The following GLRA3 variants were observed in gnomAD, a reference collection of about 807,000 sequenced individuals.
GLRA3 encodes the protein glycine receptor subunit alpha-3.
GLRA3 carries 44 observed loss-of-function variants against 60.4 expected under a neutral mutation model. The ratio of observed to expected loss-of-function variants is 0.73; its 90% CI spans 0.57 to 0.94. GLRA3 has a LOEUF of 0.94. Ranked by LOEUF, GLRA3 falls within the 40% of genes least tolerant of loss-of-function variation. The probability of loss-of-function intolerance (pLI) is 0.00; values close to 1 mark genes in which losing one functional copy is unlikely to be tolerated. For missense variants in GLRA3, 508 were observed against 564.6 expected (o/e 0.90, Z 1.02); for synonymous variants, 223 against 192.9 (o/e 1.16, Z -1.29).
intron 5 of GLRA3, among the ~76,000 whole-genome samples, chr4:174,689,892 C>T (rs1250578219): frequency 7.2e-6 from 1 of 138,776 alleles, no homozygotes; most frequent in Non-Finnish European, 1.6e-5. Flanking sequence ...AAATGAAAAA[C>T]AGAAAAATTC....
chr4:174,683,108 G>C (rs548572918), intron 5 of GLRA3, among the ~76,000 whole-genome samples, 169 bp from the exon 6 acceptor site: 43 of 152,228 alleles, frequency 2.8e-4, no homozygotes, highest in Non-Finnish European at 4.3e-4. Context: ...AATGTCTGTT[G>C]AAGTCTATTC....
intron 1 of GLRA3, among the ~76,000 whole-genome samples, chr4:174,798,875 A>T (rs547735426): frequency 2.0e-5 from 3 of 151,982 alleles, no homozygotes; most frequent in Non-Finnish European, 4.4e-5. Flanking sequence ...GAGCCGAGAT[A>T]GCACCACTGC....
intron 5 of GLRA3, among the ~76,000 whole-genome samples, chr4:174,714,792 T>C (rs1735844757): frequency 1.3e-5 from 2 of 152,196 alleles, no homozygotes; most frequent in South Asian, 4.1e-4. Flanking sequence ...TTAGGACTAA[T>C]TATATAGATC....
At chr4:174,665,923 T>C (rs1299876143) in intron 7 of GLRA3, among the ~76,000 whole-genome samples, 1 of 152,122 alleles carries the variant, frequency 6.6e-6, no homozygotes, top group Non-Finnish European at 1.5e-5. Context: ...GTAGTGTTCA[T>C]ATGGTAACAC....
intron 3 of GLRA3, among the ~76,000 whole-genome samples, chr4:174,753,151 G>A (rs564231158): frequency 4.6e-5 from 7 of 152,194 alleles, no homozygotes; most frequent in South Asian, 2.1e-4. Flanking sequence ...TAACTCTTGC[G>A]TGCATCTGTT....
At chr4:174,737,019 A>G (rs1736819437) in intron 3 of GLRA3, among the ~76,000 whole-genome samples, 2 of 152,342 alleles carry the variant, frequency 1.3e-5, no homozygotes, top group African/African-American at 4.8e-5. Context: ...CATCTTGCAT[A>G]CAAGTACTTT....
At chr4:174,719,255 G>A (rs1736051090) in intron 4 of GLRA3, among the ~76,000 whole-genome samples, 1 of 152,162 alleles carries the variant, frequency 6.6e-6, no homozygotes, top group African/African-American at 2.4e-5. Context: ...GAGCCACCGC[G>A]CCCGGCCTCG....
At chr4:174,689,994 C>T (rs2111004425) in intron 5 of GLRA3, among the ~76,000 whole-genome samples, 1 of 151,940 alleles carries the variant, frequency 6.6e-6, no homozygotes, top group East Asian at 1.9e-4. Context: ...GGAATATATG[C>T]ACAACGGAAT....
chr4:174,825,682 C>G (rs1372832167), intron 1 of GLRA3, among the ~76,000 whole-genome samples: 1 of 151,792 alleles, frequency 6.6e-6, no homozygotes, highest in Non-Finnish European at 1.5e-5. Context: ...AATCCAAAAG[C>G]CATAGAAAAA....
intron 8 of GLRA3, among the ~76,000 whole-genome samples, chr4:174,658,159 T>C (rs542476461): frequency 2.3e-4 from 35 of 152,206 alleles, no homozygotes; most frequent in Non-Finnish European, 4.4e-4. Context: ...TTAAGGTTTA[T>C]CTTTTGACAA....
chr4:174,790,356 T>C (rs1403571056), intron 1 of GLRA3, among the ~76,000 whole-genome samples: 3 of 151,820 alleles, frequency 2.0e-5, no homozygotes, highest in African/African-American at 4.8e-5. Context: ...TTTATTCTAA[T>C]ACAAAAATCA....
intron 3 of GLRA3, among the ~76,000 whole-genome samples, chr4:174,748,467 CT>C (rs1408640856): frequency 6.6e-6 from 1 of 152,054 alleles, no homozygotes; most frequent in Non-Finnish European, 1.5e-5. Flanking sequence ...CCAGGGAAAG[CT>C]TTCATTTTAG....
intron 2 of GLRA3, among the ~76,000 whole-genome samples, chr4:174,786,048 C>T (rs914029297): frequency 6.7e-6 from 1 of 150,330 alleles, no homozygotes; most frequent in Non-Finnish European, 1.5e-5. Flanking sequence ...GGATTAGAGG[C>T]ATGAGACCCA....
At chr4:174,655,150 T>C (rs1255646938) in intron 9 of GLRA3, among the ~76,000 whole-genome samples, 1 of 152,158 alleles carries the variant, frequency 6.6e-6, no homozygotes, top group Non-Finnish European at 1.5e-5. Context: ...AAACCAGTAC[T>C]CATGACAATA....
chr4:174,698,955 A>T (rs994944546), intron 5 of GLRA3, among the ~76,000 whole-genome samples: 2 of 152,204 alleles, frequency 1.3e-5, no homozygotes, highest in East Asian at 3.9e-4. Flanking sequence ...TGCCATATAT[A>T]TAAAGCCACA....
intron 7 of GLRA3, among the ~76,000 whole-genome samples, chr4:174,665,454 G>A (rs1733632049): frequency 6.6e-6 from 1 of 152,052 alleles, no homozygotes; most frequent in Non-Finnish European, 1.5e-5. Context: ...GGTAGATCCT[G>A]TAAGATGTCT....
intron 2 of GLRA3, among the ~76,000 whole-genome samples, chr4:174,779,683 C>T (rs1163330241): frequency 4.0e-5 from 6 of 151,810 alleles, no homozygotes; most frequent in Admixed American, 1.3e-4. Context: ...CCTCAGGAGC[C>T]GATGCGATCA....
chr4:174,806,100 C>T (rs1740038857), intron 1 of GLRA3, among the ~76,000 whole-genome samples: 1 of 152,094 alleles, frequency 6.6e-6, no homozygotes, highest in Non-Finnish European at 1.5e-5. Context: ...GTTCTTGTTC[C>T]TTGTAAACAT....
chr4:174,736,864 A>G (rs1473629441), intron 3 of GLRA3, among the ~76,000 whole-genome samples: 1 of 152,208 alleles, frequency 6.6e-6, no homozygotes, highest in East Asian at 1.9e-4. Context: ...TGAAAACAAT[A>G]GCTACTATTA....
Sources: gnomAD v4.1 joint callset for allele counts (sites outside exome capture counted in the v4.1 genomes callset) on GRCh38, gnomAD v4.1.1 for gene constraint, MANE v1.5 for transcripts, NCBI Gene and HGNC (gene_info 2026-07-23, HGNC 2026-07-21) for gene names.